Variants in MAST2 observed in about 807,000 individuals in gnomAD.
MAST2 encodes the protein microtubule-associated serine/threonine-protein kinase 2.
Under a neutral mutation model 147.4 loss-of-function variants are expected in MAST2, and 70 were observed. The observed-to-expected ratio is 0.47, with a 90% CI of 0.39 to 0.58. MAST2 has a LOEUF of 0.58. Among genes scored for constraint, MAST2 ranks in the 20% least tolerant of loss-of-function variants. The pLI is 0.00. For synonymous variants in MAST2, 869 were observed against 896.8 expected (o/e 0.97, Z 0.55); for missense variants, 2,080 against 2,302.3 (o/e 0.90, Z 1.98).
At chr1:46,027,423 G>A (rs1482281102) in intron 16 of MAST2, among the ~76,000 whole-genome samples, 1 of 152,198 alleles carries the variant, frequency 6.6e-6, no homozygotes, top group African/African-American at 2.4e-5. Context: ...TCTCAGCTCT[G>A]TAGAAGAAAC....
At chr1:46,013,623 T>C (rs1645808053) in intron 10 of MAST2, among the ~76,000 whole-genome samples, 1 of 151,016 alleles carries the variant, frequency 6.6e-6, no homozygotes, top group Non-Finnish European at 1.5e-5. Context: ...GAGGTTGCGG[T>C]GAGCCAAGAT....
intron 5 of MAST2, among the ~76,000 whole-genome samples, chr1:45,984,549 T>C (rs1002616547): frequency 6.6e-6 from 1 of 152,004 alleles, no homozygotes; most frequent in Non-Finnish European, 1.5e-5. Context: ...CCTCAAGTGA[T>C]CCTCCTGCCT....
chr1:46,018,067 C>T (rs532444097), intron 10 of MAST2, among the ~76,000 whole-genome samples: 10 of 152,282 alleles, frequency 6.6e-5, no homozygotes, highest in African/African-American at 1.9e-4. Context: ...TGCCACCTCT[C>T]GGTGGAGCAC....
At chr1:45,932,581 G>A (rs566169449) in intron 4 of MAST2, among the ~76,000 whole-genome samples, 24 of 152,238 alleles carry the variant, frequency 1.6e-4, no homozygotes, top group South Asian at 6.2e-4. Flanking sequence ...GCTGAGGCAC[G>A]AGAATCGCTT....
intron 3 of MAST2, among the ~76,000 whole-genome samples, chr1:45,846,130 T>A (rs78145614): frequency 1.3e-5 from 2 of 148,400 alleles, no homozygotes; most frequent in Admixed American, 6.8e-5. Context: ...ATTTTTTTTT[T>A]AACCATTTAA....
chr1:45,983,513 C>T (rs1644495389), intron 5 of MAST2, among the ~76,000 whole-genome samples: 2 of 145,366 alleles, frequency 1.4e-5, no homozygotes, highest in South Asian at 4.3e-4. Flanking sequence ...TTGTCTGAGA[C>T]AAGATCTTAC....
At chr1:45,910,663 A>T (rs1048051150) in intron 4 of MAST2, among the ~76,000 whole-genome samples, 1 of 152,226 alleles carries the variant, frequency 6.6e-6, no homozygotes, top group African/African-American at 2.4e-5. Context: ...AAATAAATGG[A>T]TGTTTGACTC....
intron 5 of MAST2, among the ~76,000 whole-genome samples, chr1:45,985,237 C>T (rs116385485): frequency 0.045 from 6,860 of 151,692 alleles, 501 homozygotes; most frequent in African/African-American, 0.15. Flanking sequence ...CCACTACATC[C>T]TGCTAATTTT....
At chr1:45,998,748 G>C (rs1262970612) in intron 6 of MAST2, among the ~76,000 whole-genome samples, 2 of 147,636 alleles carry the variant, frequency 1.4e-5, no homozygotes, top group South Asian at 4.3e-4. Flanking sequence ...TTTTTTTTGA[G>C]ACGGAGTCTC....
chr1:45,994,086 A>G (rs534229762), intron 5 of MAST2, among the ~76,000 whole-genome samples: 1 of 152,212 alleles, frequency 6.6e-6, no homozygotes, highest in Non-Finnish European at 1.5e-5. Context: ...GATGTATAAC[A>G]ATACATACAA....
intron 6 of MAST2, among the ~76,000 whole-genome samples, chr1:46,002,393 C>T (rs1396161733): frequency 2.0e-5 from 3 of 152,132 alleles, no homozygotes; most frequent in Non-Finnish European, 4.4e-5. Flanking sequence ...CTGGGGAAGA[C>T]CAAAGAGCCC....
Position 45,995,240 on chromosome 1 carries a change from ATCT to A in MAST2, c.593-2477_593-2475del, listed in dbSNP as rs1183768255. 5.3e-5 allele frequency among the ~76,000 whole-genome samples: 8 copies of A among 152,192 alleles called. No individual in the cohort carries two copies. In the East Asian group the frequency reaches 1.4e-3, roughly 26 times the overall value. On this transcript the variant is annotated intron_variant, in intron 5 of 28. Transcript: ENST00000361297. ...TTGTCTTTGTTCCTCTGTATAACAT[ATCT>A]TCTTCTCACTTTACTGAGCTCCACC...
chr1:45,824,808 T>C (rs1211449908), intron 2 of MAST2, among the ~76,000 whole-genome samples: 1 of 152,212 alleles, frequency 6.6e-6, no homozygotes, highest in Non-Finnish European at 1.5e-5. Context: ...TAGTGGTCAC[T>C]CTCTCTTACT....
chr1:45,894,920 G>C (rs549588940), intron 4 of MAST2, among the ~76,000 whole-genome samples: 1 of 152,204 alleles, frequency 6.6e-6, no homozygotes, highest in East Asian at 1.9e-4. Context: ...TGTAATTATT[G>C]ATGGTTATAT....
intron 6 of MAST2, chr1:46,000,985 A>G (rs978685010): frequency 6.5e-5 from 84 of 1,289,500 alleles, no homozygotes; most frequent in Non-Finnish European, 8.0e-5. Context: ...GACAGGTAAT[A>G]GCGGGTATAA....
intron 10 of MAST2, among the ~76,000 whole-genome samples, chr1:46,014,391 G>T (rs1174758338): frequency 7.5e-6 from 1 of 133,752 alleles, no homozygotes; most frequent in Non-Finnish European, 1.5e-5. Flanking sequence ...TGTCCTCATT[G>T]TTCAATTCCC....
intron 4 of MAST2, among the ~76,000 whole-genome samples, chr1:45,899,005 A>G (rs1557881967): frequency 6.6e-6 from 1 of 152,178 alleles, no homozygotes; most frequent in East Asian, 1.9e-4. Flanking sequence ...GCCATTGGTT[A>G]CATTGCATGA....
At chr1:46,022,207 G>T in intron 12 of MAST2, 125 bp downstream of exon 12, 1 of 1,187,148 alleles carries the variant, frequency 8.4e-7, no homozygotes, top group Non-Finnish European at 1.2e-6. Context: ...GGGGGCCTCA[G>T]GATTTTAGGA....
At chr1:46,032,888 T>G (rs1336097087) in intron 26 of MAST2, among the ~76,000 whole-genome samples, 170 bp downstream of exon 26, 1 of 151,120 alleles carries the variant, frequency 6.6e-6, no homozygotes, top group African/African-American at 2.4e-5. Context: ...CCCAACACTT[T>G]AGGAGGCTGA....
Sources: allele counts gnomAD v4.1 joint callset (sites outside exome capture counted in the v4.1 genomes callset), GRCh38; gene constraint gnomAD v4.1.1; transcripts MANE v1.5; gene names NCBI Gene and HGNC (gene_info 2026-07-23, HGNC 2026-07-21).